The following PSMA1 variants were observed in gnomAD, a reference collection of about 807,000 sequenced individuals.
The protein encoded by PSMA1 is proteasome 20S subunit alpha 1.
In PSMA1, 3 loss-of-function variants were observed where a neutral mutation model predicts 38.4. The observed-to-expected ratio is 0.08, with a 90% CI of 0.04 to 0.20. The LOEUF is 0.20. PSMA1 is among the 10% of genes least tolerant of loss of function. PSMA1 has a pLI of 1.00. For synonymous variants in PSMA1, 101 were observed against 107.1 expected, an observed-to-expected ratio of 0.94 and a Z score of 0.35; for missense variants, 227 against 325.3, an observed-to-expected ratio of 0.70 and a Z score of 2.32.
chr11:14,521,298 C>CAATAATAATAAT (rs1225881734), upstream of PSMA1, among the ~76,000 whole-genome samples: 5 of 135,958 alleles, frequency 3.7e-5, no homozygotes, highest in Non-Finnish European at 1.5e-5. Context: ...CTCGTCGCTA[C>CAATAATAATAAT]AATAATAATA....
rs369001954 is a variant in PSMA1 at position 14,641,354 on chromosome 11, C to T, written c.-166+2101G>A. On this transcript the variant is annotated intron_variant, in intron 1 of 10. Transcript: ENST00000418988. ...AATTTTATTGGTTGTTTAAGTTTGGCAAGGGAATAATTAAATAATCTGACC... is the reference window on the plus strand; with the variant it reads ...AATTTTATTGGTTGTTTAAGTTTGGTAAGGGAATAATTAAATAATCTGACC... 1.1e-4 allele frequency among the ~76,000 whole-genome samples: 17 copies of T among 152,012 alleles called. 1 individual carries two copies. In the East Asian group the frequency reaches 2.7e-3, roughly 24 times the overall value.
intron 2 of PSMA1, among the ~76,000 whole-genome samples, chr11:14,570,814 G>T (rs1852130427): frequency 1.3e-5 from 2 of 152,164 alleles, no homozygotes; most frequent in African/African-American, 4.8e-5. Flanking sequence ...CCCCAACCTA[G>T]CAAGGCAGGC....
intron 1 of PSMA1, among the ~76,000 whole-genome samples, chr11:14,642,189 G>A (rs918644455): frequency 3.3e-5 from 5 of 152,132 alleles, no homozygotes; most frequent in African/African-American, 1.2e-4. Flanking sequence ...TTTATAACGG[G>A]AATTTCAATA....
upstream of PSMA1, among the ~76,000 whole-genome samples, chr11:14,521,995 G>A (rs541959232): frequency 9.2e-5 from 14 of 152,216 alleles, no homozygotes; most frequent in Middle Eastern, 3.4e-3. Flanking sequence ...CACATATTAA[G>A]TGTTTATAAA....
chr11:14,638,402 A>G (rs1853137037), intron 1 of PSMA1, among the ~76,000 whole-genome samples: 1 of 151,402 alleles, frequency 6.6e-6, no homozygotes, highest in South Asian at 2.1e-4. Flanking sequence ...AGAAAAGAAT[A>G]GTCTTACACT....
At chr11:14,573,355 A>T (rs1852171116) in intron 2 of PSMA1, among the ~76,000 whole-genome samples, 1 of 152,364 alleles carries the variant, frequency 6.6e-6, no homozygotes, top group East Asian at 1.9e-4. Flanking sequence ...AGGCTGGCTC[A>T]ATGTATGCAA....
At chr11:14,513,270 T>C (rs918651159) in intron 7 of PSMA1, among the ~76,000 whole-genome samples, 2 of 152,090 alleles carry the variant, frequency 1.3e-5, no homozygotes, top group Non-Finnish European at 2.9e-5. Context: ...GGTAGTACAG[T>C]GGTTCTCCAC....
chr11:14,637,978 T>C (rs994659263), intron 1 of PSMA1, among the ~76,000 whole-genome samples: 1 of 152,200 alleles, frequency 6.6e-6, no homozygotes, highest in Admixed American at 6.5e-5. Context: ...AGGAAAAGGA[T>C]AGATGTAAGA....
chr11:14,526,392 T>C (rs1851585716), intron 2 of PSMA1, among the ~76,000 whole-genome samples: 2 of 152,166 alleles, frequency 1.3e-5, no homozygotes, highest in Non-Finnish European at 2.9e-5. Flanking sequence ...GTCAGAATTC[T>C]TACACAAGGA....
intron 2 of PSMA1, among the ~76,000 whole-genome samples, chr11:14,575,759 C>A (rs1224747612): frequency 6.6e-6 from 1 of 152,134 alleles, no homozygotes; most frequent in Admixed American, 6.5e-5. Context: ...ATTTATAATC[C>A]TTTGGGTATA....
intron 2 of PSMA1, among the ~76,000 whole-genome samples, chr11:14,539,215 G>C (rs891740286): frequency 6.6e-6 from 1 of 152,168 alleles, no homozygotes; most frequent in African/African-American, 2.4e-5. Flanking sequence ...CTTCTCAGTT[G>C]GCCGGAATGA....
At chr11:14,551,338 T>A (rs11023254) in intron 2 of PSMA1, among the ~76,000 whole-genome samples, 1 of 152,152 alleles carries the variant, frequency 6.6e-6, no homozygotes, top group Non-Finnish European at 1.5e-5. Flanking sequence ...GAGTTCAAAT[T>A]TAGAGTCCCT....
intron 2 of PSMA1, among the ~76,000 whole-genome samples, chr11:14,564,784 CTTTT>C (rs199728530): frequency 7.0e-6 from 1 of 142,690 alleles, no homozygotes; most frequent in Non-Finnish European, 1.5e-5. Context: ...TTCTTTCTTT[CTTTT>C]TTTTTTTTTG....
chr11:14,511,251 T>C (rs1043691514), intron 7 of PSMA1, among the ~76,000 whole-genome samples: 22 of 152,354 alleles, frequency 1.4e-4, no homozygotes, highest in African/African-American at 5.0e-4. Flanking sequence ...GTAGAATGTG[T>C]TCTGTAGAAT....
At chr11:14,531,433 T>A (rs898704413) in intron 2 of PSMA1, among the ~76,000 whole-genome samples, 1 of 152,194 alleles carries the variant, frequency 6.6e-6, no homozygotes, top group African/African-American at 2.4e-5. Context: ...TCCAGCTCCA[T>A]CCATGTTACT....
chr11:14,538,873 CA>C (rs1327395780), intron 2 of PSMA1, among the ~76,000 whole-genome samples: 13 of 152,178 alleles, frequency 8.5e-5, no homozygotes, highest in Non-Finnish European at 1.6e-4. Flanking sequence ...TGCGTAATTT[CA>C]AAAAGTACTT....
chr11:14,506,738 A>G (rs1316292117), intron 9 of PSMA1, among the ~76,000 whole-genome samples: 1 of 152,188 alleles, frequency 6.6e-6, no homozygotes, highest in Admixed American at 6.5e-5. Context: ...CAGAATGTGT[A>G]CAAGTGATGT....
chr11:14,559,685 T>C (rs1851987094), intron 2 of PSMA1, among the ~76,000 whole-genome samples: 1 of 152,210 alleles, frequency 6.6e-6, no homozygotes, highest in Non-Finnish European at 1.5e-5. Context: ...AAATGAACTT[T>C]ACAGACAAAG....
chr11:14,546,491 A>G (rs569177138), intron 2 of PSMA1, among the ~76,000 whole-genome samples: 2 of 152,138 alleles, frequency 1.3e-5, no homozygotes, highest in African/African-American at 4.8e-5. Context: ...AGGCTGGAGT[A>G]CAATGGCACG....
Sources: gnomAD v4.1 joint callset for allele counts (sites outside exome capture counted in the v4.1 genomes callset) on GRCh38, gnomAD v4.1.1 for gene constraint, MANE v1.5 for transcripts, NCBI Gene and HGNC (gene_info 2026-07-23, HGNC 2026-07-21) for gene names.